DCTN6: variants seen among roughly 807,000 people sequenced by gnomAD.
The protein encoded by DCTN6 is dynactin subunit 6, also known as dynactin 6.
Under a neutral mutation model 25.8 loss-of-function variants are expected in DCTN6, and 15 were observed. The ratio of observed to expected loss-of-function variants is 0.58; its 90% confidence interval spans 0.39 to 0.89. The LOEUF (loss-of-function observed/expected upper bound fraction) is 0.89. DCTN6 is among the 40% of genes least tolerant of loss of function. DCTN6 has a pLI of 0.00. For synonymous variants in DCTN6, 64 were observed against 78.3 expected (o/e 0.82, Z 0.96); for missense variants, 198 against 237.6 (o/e 0.83, Z 1.09).
chr8:30,175,235 G>T, intron 3 of DCTN6, 45 bp downstream of exon 3: 4 of 1,547,904 alleles, frequency 2.6e-6, no homozygotes, highest in South Asian at 1.2e-5. Context: ...ATGGGTAACG[G>T]TTTTTCTTAA....
At chr8:30,180,307 A>G (rs763234342) in intron 5 of DCTN6, among the ~76,000 whole-genome samples, 181 bp from the exon 6 acceptor site, 1 of 152,186 alleles carries the variant, frequency 6.6e-6, no homozygotes, top group African/African-American at 2.4e-5. Context: ...TTTTGAATTC[A>G]TCTGACCCTG....
chr8:30,164,112 G>A lies in DCTN6; in HGVS notation c.25G>A (p.Val9Met), dbSNP rs1803633961. ...AATGTTACCTTTTTCTTGCTACAGTGTGAAGATTGCTCCTGGAGCAGTTGT... is the reference window on the plus strand; with the variant it reads ...AATGTTACCTTTTTCTTGCTACAGTATGAAGATTGCTCCTGGAGCAGTTGT... MAEKTQKS[V>M]KIAPGAVVCV... The change falls in exon 2 of 7, where the codon GTG becomes ATG. Residue 9 changes from valine to methionine, a missense_variant and splice_region_variant. Val to Met is a conservative substitution (Grantham distance 21). Transcript: ENST00000221114. 1.2e-6 allele frequency: 2 copies of A among 1,613,142 alleles called. No homozygotes were observed. The highest frequency in any genetic ancestry group is 2.7e-5 in the African/African-American group (2 of 74,878).
intron 5 of DCTN6, 95 bp from the exon 6 acceptor site, chr8:30,180,393 C>T: frequency 6.8e-7 from 1 of 1,473,798 alleles, no homozygotes; most frequent in Non-Finnish European, 9.1e-7. Flanking sequence ...TTCTTGAGGC[C>T]AGTTTACATT....
chr8:30,164,175 G>T lies in DCTN6; in HGVS notation c.88G>T (p.Gly30Ter). 6.2e-7 allele frequency: 1 copy of T among 1,607,484 alleles called. No homozygotes were observed. The highest frequency in any genetic ancestry group is 2.2e-5 in the East Asian group (1 of 44,840). ...TGAAATCAGAGGAGATGTAACTATC[G>T]GTAAGAAATAGTTTATTTACTGTTT... Reference protein sequence around the residue: ...ESEIRGDVTIGPRTVIHPKAR... With the variant: ...ESEIRGDVTI Residue 30 changes from glycine to a stop codon, truncating the protein, a stop_gained and splice_region_variant, in exon 2 of 7, where the codon GGA becomes TGA. Transcript: ENST00000221114. LOFTEE classifies it high-confidence loss of function.
chr8:30,161,159 T>A (rs527469844), intron 1 of DCTN6, among the ~76,000 whole-genome samples: 2 of 152,298 alleles, frequency 1.3e-5, no homozygotes, highest in South Asian at 4.1e-4. Context: ...TGGTAGTTTT[T>A]CCTGCGCTCA....
At chr8:30,165,778 T>A (rs1206130573) in intron 2 of DCTN6, 1 of 152,354 alleles carries the variant, frequency 6.6e-6, no homozygotes, top group Non-Finnish European at 1.5e-5. Context: ...GGACAATTGC[T>A]TGAACCTGGG....
chr8:30,182,846 C>T (rs1563232309), intron 6 of DCTN6, among the ~76,000 whole-genome samples: 1 of 152,080 alleles, frequency 6.6e-6, no homozygotes, highest in Non-Finnish European at 1.5e-5. Flanking sequence ...TCCTGAGTAG[C>T]TATGACTACA....
intron 1 of DCTN6, among the ~76,000 whole-genome samples, chr8:30,163,102 A>G (rs1484757455): frequency 6.6e-6 from 1 of 152,070 alleles, no homozygotes. Context: ...GTTCGAGACC[A>G]GCCTCACCAA....
In DCTN6 at chr8:30,183,443, AG is replaced by A; in HGVS notation, c.*271del. ...ATATAAACTGCTAGCCACAAATTTT[AG>A]TTATGTAAAAGGCTACCCTTGACAA... On this transcript the variant is annotated 3_prime_UTR_variant, in exon 7 of 7. Transcript: ENST00000221114. 3.8e-6 allele frequency: 1 copy of A among 264,302 alleles called. No homozygotes were observed. The highest frequency in any genetic ancestry group is 2.2e-5 in the African/African-American group (1 of 44,578). The allele number at this position is 264,302 out of a possible 1,614,324, so 16.4% of individuals were successfully genotyped here. A position where few individuals can be genotyped will look rare whatever the true frequency, so the allele number is the denominator to read the frequency against.
intron 2 of DCTN6, among the ~76,000 whole-genome samples, chr8:30,170,369 CCTCTTAA>C (rs1364735120): frequency 6.6e-6 from 1 of 152,074 alleles, no homozygotes; most frequent in East Asian, 1.9e-4. Flanking sequence ...TTTATTTCAG[CCTCTTAA>C]CACTGGGACC....
intron 6 of DCTN6, among the ~76,000 whole-genome samples, chr8:30,182,464 G>A: frequency 6.6e-6 from 1 of 151,860 alleles, no homozygotes; most frequent in Admixed American, 6.6e-5. Flanking sequence ...TTCTGTAATC[G>A]GAACTTTTAA....
In DCTN6 at chr8:30,179,374, A is replaced by G. The variant is rs142488069; in HGVS notation, c.284-34A>G. 34 of 1,576,870 alleles carry G rather than the reference A, an allele frequency of 2.2e-5. No homozygotes were observed. In the East Asian group the frequency reaches 4.9e-4, roughly 23 times the overall value. On this transcript the variant is annotated intron_variant, in intron 4 of 6. Transcript: ENST00000221114. ...GTGTTAGTGGGGACTAAAGATGAACATATTTGTAGTATTTACCTAACTCTG... is the reference window on the plus strand; with the variant it reads ...GTGTTAGTGGGGACTAAAGATGAACGTATTTGTAGTATTTACCTAACTCTG...
At position 30,171,116 on chromosome 8, in the gene DCTN6, G is replaced by T. The variant is rs571449838; in HGVS notation, c.89-3969G>T. Among the ~76,000 whole-genome samples the T allele has an allele frequency of 2.0e-5, 3 of 152,240 alleles. No individual in the cohort carries two copies. The South Asian group carries it at 6.2e-4, about 32-fold the overall frequency. ...TCATAAGTTTTAAAGAAACACACAG[G>T]TCCCAGGGGTATCCTTGTCTTGTCA... On this transcript the variant is annotated intron_variant, in intron 2 of 6. Coordinates refer to ENST00000221114, the MANE Select transcript of DCTN6 (RefSeq NM_006571.4).
At chr8:30,163,778 C>T (rs368803517) in intron 1 of DCTN6, among the ~76,000 whole-genome samples, 2 of 151,084 alleles carry the variant, frequency 1.3e-5, no homozygotes, top group East Asian at 3.9e-4. Context: ...TCTCGGCTCA[C>T]TGCAAACTCT....
intron 2 of DCTN6, among the ~76,000 whole-genome samples, chr8:30,174,835 CG>C (rs1385660042): frequency 6.6e-6 from 1 of 152,184 alleles, no homozygotes; most frequent in Non-Finnish European, 1.5e-5. Flanking sequence ...AGGAAGCTTC[CG>C]AGTGGAGGCT....
chr8:30,156,430 C>G, intron 1 of DCTN6, 24 bp downstream of exon 1: 1 of 1,594,972 alleles, frequency 6.3e-7, no homozygotes, highest in East Asian at 2.3e-5. Context: ...TTGAGAAAAG[C>G]CTTTTCTCAG....
At chr8:30,178,398 G>A (rs1306622382) in intron 4 of DCTN6, among the ~76,000 whole-genome samples, 2 of 150,486 alleles carry the variant, frequency 1.3e-5, no homozygotes, top group East Asian at 2.0e-4. Flanking sequence ...AGGAGGCGGA[G>A]ATTGCGGTGA....
intron 4 of DCTN6, among the ~76,000 whole-genome samples, chr8:30,178,011 C>T (rs1172631442): frequency 6.6e-6 from 1 of 152,294 alleles, no homozygotes; most frequent in East Asian, 1.9e-4. Flanking sequence ...AGAACCCCAG[C>T]TTTGTCAGTG....
At chr8:30,168,354 T>C (rs1180507718) in intron 2 of DCTN6, among the ~76,000 whole-genome samples, 1 of 152,218 alleles carries the variant, frequency 6.6e-6, no homozygotes, top group Non-Finnish European at 1.5e-5. Flanking sequence ...TTGGCTTCTA[T>C]TAATTCATTT....
Sources: allele counts gnomAD v4.1 joint callset (sites outside exome capture counted in the v4.1 genomes callset), GRCh38; gene constraint gnomAD v4.1.1; transcripts MANE v1.5; gene names NCBI Gene and HGNC (gene_info 2026-07-23, HGNC 2026-07-21).